FAR2: variants seen among roughly 807,000 people sequenced by gnomAD.
The protein encoded by FAR2 is epididymis secretory protein Li 81.
In FAR2, 19 loss-of-function variants were observed where a neutral mutation model predicts 56.0. The observed-to-expected ratio is 0.34, with a 90% CI of 0.24 to 0.50. The LOEUF is 0.50. Ranked by LOEUF, FAR2 falls within the 20% of genes least tolerant of loss-of-function variation. The pLI is 0.98. For missense variants in FAR2, 508 were observed against 642.2 expected (o/e 0.79, Z 2.26); for synonymous variants, 219 against 218.8 (o/e 1.00, Z -0.01).
Position 29,305,739 on chromosome 12 carries a change from G to A in FAR2, c.546-1919G>A, listed in dbSNP as rs375788298. 2.6e-3 allele frequency among the ~76,000 whole-genome samples: 401 copies of A among 152,214 alleles called. 3 individuals carry two copies. The highest frequency in any genetic ancestry group is 9.2e-3 in the African/African-American group (381 of 41,544). ...ATTGGAATGAAAAGATAAAACAGTG[G>A]AATACAGGTGTAGCTGAGAGTAGCA... On this transcript the variant is annotated intron_variant, in intron 4 of 11. Coordinates refer to ENST00000536681, the MANE Select transcript of FAR2 (RefSeq NM_001271783.2).
chr12:29,258,368 A>G (rs1279358005), intron 1 of FAR2, among the ~76,000 whole-genome samples: 1 of 152,094 alleles, frequency 6.6e-6, no homozygotes, highest in Non-Finnish European at 1.5e-5. Flanking sequence ...AAACGAAACA[A>G]AAAAATCGCA....
chr12:29,309,811 C>T (rs7973786), intron 6 of FAR2: 45,779 of 152,322 alleles, frequency 0.3, 7,002 homozygotes, highest in East Asian at 0.35. Flanking sequence ...GCCCTTAGTG[C>T]GCATCTGCCC....
chr12:29,315,698 A>C (rs1949437090), intron 8 of FAR2, among the ~76,000 whole-genome samples: 1 of 152,152 alleles, frequency 6.6e-6, no homozygotes, highest in Non-Finnish European at 1.5e-5. Context: ...AAAGAGAAGA[A>C]TCAAGGATGA....
chr12:29,283,751 C>A (rs962142551), intron 2 of FAR2, among the ~76,000 whole-genome samples: 3 of 152,124 alleles, frequency 2.0e-5, no homozygotes, highest in Admixed American at 6.5e-5. Flanking sequence ...TCACCACAGA[C>A]CAAGGGTTTC....
chr12:29,219,723 A>G (rs1947663863), intron 1 of FAR2, among the ~76,000 whole-genome samples: 1 of 152,232 alleles, frequency 6.6e-6, no homozygotes, highest in African/African-American at 2.4e-5. Flanking sequence ...TCATTCTGCC[A>G]ATGCCCATAT....
At chr12:29,225,682 T>A (rs923879479) in intron 1 of FAR2, among the ~76,000 whole-genome samples, 2 of 152,166 alleles carry the variant, frequency 1.3e-5, no homozygotes, top group Admixed American at 6.6e-5. Flanking sequence ...AAATGCTTAC[T>A]TGGAAATTCC....
intron 2 of FAR2, among the ~76,000 whole-genome samples, chr12:29,285,480 G>A (rs1211023678): frequency 6.6e-6 from 1 of 151,790 alleles, no homozygotes; most frequent in African/African-American, 2.4e-5. Flanking sequence ...ACTCAAGTCA[G>A]ATCAGCTGAA....
intron 1 of FAR2, among the ~76,000 whole-genome samples, chr12:29,186,507 G>C (rs1302107432): frequency 6.6e-6 from 1 of 152,150 alleles, no homozygotes; most frequent in Non-Finnish European, 1.5e-5. Context: ...AATCGCTTGA[G>C]ATTATTTTGT....
intron 1 of FAR2, among the ~76,000 whole-genome samples, chr12:29,166,464 G>T (rs1949830433): frequency 6.6e-6 from 1 of 152,144 alleles, no homozygotes; most frequent in South Asian, 2.1e-4. Context: ...CAAAAGGAAA[G>T]CCTCTCCTCT....
intron 1 of FAR2, among the ~76,000 whole-genome samples, chr12:29,175,488 G>T (rs1026843625): frequency 6.6e-6 from 1 of 152,254 alleles, no homozygotes; most frequent in African/African-American, 2.4e-5. Flanking sequence ...ATTGTGAAGA[G>T]CTTAAGAACA....
At chr12:29,225,511 A>G (rs554537393) in intron 1 of FAR2, among the ~76,000 whole-genome samples, 1 of 152,332 alleles carries the variant, frequency 6.6e-6, no homozygotes, top group African/African-American at 2.4e-5. Flanking sequence ...TACCAATTAC[A>G]TAATGCTCTA....
chr12:29,253,702 T>C (rs1274969329), intron 1 of FAR2, among the ~76,000 whole-genome samples: 2 of 152,186 alleles, frequency 1.3e-5, no homozygotes, highest in African/African-American at 4.8e-5. Flanking sequence ...AAAATTTACA[T>C]TTAACTGTGG....
At position 29,333,810 on chromosome 12, in the gene FAR2, G is replaced by A. The variant is rs767136862; in HGVS notation, c.*16G>A. On this transcript the variant is annotated 3_prime_UTR_variant, in exon 12 of 12. Coordinates refer to ENST00000536681, the MANE Select transcript of FAR2 (RefSeq NM_001271783.2). ...CAAAGTTTAAGAGCATTTAGCCATC[G>A]CTTTTTATCTGGAACCTCTCAGATA... 21 of 1,610,518 alleles carry A rather than the reference G, an allele frequency of 1.3e-5. No individual in the cohort carries two copies. The highest frequency in any genetic ancestry group is 5.0e-5 in the Admixed American group (3 of 59,506).
At chr12:29,265,869 T>C (rs1948507360) in intron 1 of FAR2, among the ~76,000 whole-genome samples, 1 of 152,144 alleles carries the variant, frequency 6.6e-6, no homozygotes, top group South Asian at 2.1e-4. Context: ...AGAATAGACA[T>C]TTCCCAAAAG....
chr12:29,245,083 C>A (rs990012542), intron 1 of FAR2, among the ~76,000 whole-genome samples: 4 of 151,906 alleles, frequency 2.6e-5, no homozygotes, highest in Non-Finnish European at 4.4e-5. Context: ...CGGGTTCAAG[C>A]GATTTTCCTG....
chr12:29,190,490 GT>G (rs1380271509), intron 1 of FAR2, among the ~76,000 whole-genome samples: 3 of 152,030 alleles, frequency 2.0e-5, no homozygotes, highest in Non-Finnish European at 4.4e-5. Context: ...TTGAGACGGA[GT>G]TTCCCTCTTG....
At chr12:29,282,035 T>C (rs1948793659) in intron 2 of FAR2, 1 of 152,182 alleles carries the variant, frequency 6.6e-6, no homozygotes, top group Admixed American at 6.5e-5. Context: ...TATGGGTGTA[T>C]TCCCTTAAGT....
chr12:29,253,587 C>A (rs1043238806), intron 1 of FAR2, among the ~76,000 whole-genome samples: 2 of 152,082 alleles, frequency 1.3e-5, no homozygotes, highest in African/African-American at 4.8e-5. Flanking sequence ...GGCTTACTAT[C>A]CATTCAGTTG....
chr12:29,226,834 A>AT (rs1032344634), intron 1 of FAR2, among the ~76,000 whole-genome samples: 2 of 152,164 alleles, frequency 1.3e-5, no homozygotes, highest in Admixed American at 6.5e-5. Flanking sequence ...TGTGTTACAC[A>AT]TTTTTTGTGT....
Sources: gnomAD v4.1 joint callset for allele counts (sites outside exome capture counted in the v4.1 genomes callset) on GRCh38, gnomAD v4.1.1 for gene constraint, MANE v1.5 for transcripts, NCBI Gene and HGNC (gene_info 2026-07-23, HGNC 2026-07-21) for gene names.